Variants in HSD17B4 observed in about 807,000 individuals in gnomAD.
HSD17B4 encodes hydroxysteroid 17-beta dehydrogenase 4.
In HSD17B4, 70 loss-of-function variants were observed where a neutral mutation model predicts 101.0. That is an observed-to-expected ratio of 0.69 (90% confidence interval 0.57 to 0.85). HSD17B4 has a LOEUF of 0.85. Among genes scored for constraint, HSD17B4 ranks in the 40% least tolerant of loss-of-function variants. The pLI is 0.00. For synonymous variants in HSD17B4, 347 were observed against 297.1 expected (o/e 1.17, Z -1.73); for missense variants, 984 against 892.4 (o/e 1.10, Z -1.31).
At chr5:119,506,730 C>T (rs982400010) in intron 14 of HSD17B4, 88 bp from the exon 15 acceptor site, 5 of 737,568 alleles carry the variant, frequency 6.8e-6, no homozygotes, top group Non-Finnish European at 1.2e-5. Flanking sequence ...GCTGAGCTTA[C>T]AGTGGAAATG....
intron 22 of HSD17B4, chr5:119,536,210 C>G (rs976529833): frequency 2.0e-6 from 1 of 495,414 alleles, no homozygotes; most frequent in Non-Finnish European, 3.6e-6. Flanking sequence ...GGAAGTTCCA[C>G]TTCTTTACCT....
intron 20 of HSD17B4, among the ~76,000 whole-genome samples, chr5:119,529,298 A>G (rs1299181140): frequency 1.3e-5 from 2 of 152,194 alleles, no homozygotes; most frequent in Non-Finnish European, 2.9e-5. Context: ...AATTCCTTTA[A>G]TGACTATTTT....
intron 11 of HSD17B4, 56 bp from the exon 12 acceptor site, chr5:119,496,487 C>G: frequency 1.1e-6 from 1 of 934,928 alleles, no homozygotes; most frequent in Non-Finnish European, 1.8e-6. Flanking sequence ...TGTAGCTTTT[C>G]TTAGTCACAT....
At chr5:119,454,810 CG>C (rs1205275418) in intron 1 of HSD17B4, among the ~76,000 whole-genome samples, 1 of 151,524 alleles carries the variant, frequency 6.6e-6, no homozygotes, top group Non-Finnish European at 1.5e-5. Context: ...TGAATAGAGA[CG>C]GGGTTTCACC....
At chr5:119,462,412 G>A (rs1398778091) in intron 2 of HSD17B4, among the ~76,000 whole-genome samples, 6 of 151,632 alleles carry the variant, frequency 4.0e-5, no homozygotes, top group Admixed American at 6.6e-5. Context: ...TTAGGGACCC[G>A]TGGTAGGATA....
chr5:119,488,376 C>T (rs183106277), intron 8 of HSD17B4, among the ~76,000 whole-genome samples: 54 of 151,894 alleles, frequency 3.6e-4, no homozygotes, highest in African/African-American at 2.2e-4. Flanking sequence ...CTAAGGGCTA[C>T]GAAAGTAAGC....
At chr5:119,485,269 G>C (rs2546208) in intron 8 of HSD17B4, among the ~76,000 whole-genome samples, 3,277 of 152,142 alleles carry the variant, frequency 0.022, 104 homozygotes, top group African/African-American at 0.074. Context: ...TAAAACTTCA[G>C]ATTTTAAATT....
intron 16 of HSD17B4, among the ~76,000 whole-genome samples, chr5:119,514,032 T>A (rs1415530187): frequency 6.6e-6 from 1 of 152,170 alleles, no homozygotes; most frequent in Non-Finnish European, 1.5e-5. Flanking sequence ...ACCTATAGAT[T>A]GAAGTCAGGT....
chr5:119,489,417 T>C (rs904598806), intron 9 of HSD17B4, 134 bp downstream of exon 9: 23 of 677,820 alleles, frequency 3.4e-5, no homozygotes, highest in African/African-American at 3.1e-4. Context: ...TTGACTAATA[T>C]CCATTTTTTG....
chr5:119,470,332 A>G (rs1409542604), intron 2 of HSD17B4, among the ~76,000 whole-genome samples: 1 of 151,938 alleles, frequency 6.6e-6, no homozygotes, highest in Non-Finnish European at 1.5e-5. Flanking sequence ...CACCCCTAGG[A>G]TGTGGAGGTG....
At chr5:119,536,352 A>T in intron 22 of HSD17B4, 71 bp from the exon 23 acceptor site, 1 of 1,340,238 alleles carries the variant, frequency 7.5e-7, no homozygotes, top group Non-Finnish European at 1.1e-6. Flanking sequence ...TCTGCATTTT[A>T]CTTGGTTTAT....
chr5:119,539,474 C>G (rs893337443), intron 23 of HSD17B4, among the ~76,000 whole-genome samples: 1 of 151,700 alleles, frequency 6.6e-6, no homozygotes, highest in Non-Finnish European at 1.5e-5. Context: ...AGGAGATATA[C>G]CTAATGCTAA....
intron 14 of HSD17B4, among the ~76,000 whole-genome samples, chr5:119,502,417 G>C (rs936094295): frequency 3.3e-5 from 5 of 151,898 alleles, no homozygotes; most frequent in African/African-American, 1.2e-4. Context: ...TATGATTATT[G>C]TTCTTTTCTC....
chr5:119,477,623 C>A, intron 7 of HSD17B4, 122 bp downstream of exon 7: 1 of 759,876 alleles, frequency 1.3e-6, no homozygotes, highest in South Asian at 1.4e-5. Flanking sequence ...TATGTACAAC[C>A]TTTTAACATA....
At chr5:119,520,423 C>T (rs1016198388) in intron 17 of HSD17B4, among the ~76,000 whole-genome samples, 1 of 152,086 alleles carries the variant, frequency 6.6e-6, no homozygotes, top group African/African-American at 2.4e-5. Flanking sequence ...ATTTAGATTT[C>T]TGGAGTTATT....
In HSD17B4 at chr5:119,527,133, G is replaced by A. The variant is rs201966018; in HGVS notation, c.1681G>A (p.Ala561Thr). 1 of 1,573,904 alleles carries A rather than the reference G, an allele frequency of 6.4e-7. No homozygotes were observed. The highest frequency in any genetic ancestry group is 1.4e-5 in the African/African-American group (1 of 73,752). ...TTAACCCCACAATTCTTTTTTAAAG[G>A]CTCGTTTTGCAAAACCAGTATATCC... ...NDVSRFKAIK[A>T]RFAKPVYPGQ... Residue 561 changes from alanine (A) to threonine (T), a missense_variant and splice_region_variant, in exon 20 of 24, where the codon GCT becomes ACT. Coordinates refer to ENST00000510025, the MANE Select transcript of HSD17B4 (RefSeq NM_000414.4).
chr5:119,454,768 C>T (rs958890796), intron 1 of HSD17B4, among the ~76,000 whole-genome samples: 1 of 151,870 alleles, frequency 6.6e-6, no homozygotes, highest in East Asian at 1.9e-4. Context: ...GGTACAGGTG[C>T]ACACCACCAA....
intron 16 of HSD17B4, among the ~76,000 whole-genome samples, chr5:119,513,840 C>T (rs536536304): frequency 5.3e-5 from 8 of 152,254 alleles, no homozygotes; most frequent in South Asian, 2.1e-4. Flanking sequence ...ACTACCATCG[C>T]GGCACTGTCC....
intron 14 of HSD17B4, among the ~76,000 whole-genome samples, chr5:119,506,489 G>T (rs1038377841): frequency 1.3e-5 from 2 of 152,210 alleles, no homozygotes; most frequent in Non-Finnish European, 2.9e-5. Context: ...GTGTGCATGT[G>T]TCTTTGTAGT....
Sources: allele counts gnomAD v4.1 joint callset (sites outside exome capture counted in the v4.1 genomes callset), GRCh38; gene constraint gnomAD v4.1.1; transcripts MANE v1.5; gene names NCBI Gene and HGNC (gene_info 2026-07-23, HGNC 2026-07-21).